The following CPHXL2 variants were observed in gnomAD, a reference collection of about 807,000 sequenced individuals.
The protein encoded by CPHXL2 is cytoplasmic polyadenylated homeobox like 2.
the CPHXL2 span, among the ~76,000 whole-genome samples, chr16:75,672,645 C>T: frequency 1.2e-4 from 19 of 152,176 alleles, no homozygotes; most frequent in Admixed American, 3.3e-4. Context: ...GCAATACGCC[C>T]GGATAATTTT....
the CPHXL2 span, chr16:75,661,201 T>G: frequency 2.5e-6 from 1 of 400,818 alleles, no homozygotes; most frequent in Non-Finnish European, 4.4e-6. Context: ...AGAAATATTC[T>G]TTGTCTTTCT....
chr16:75,675,034 C>T, the CPHXL2 span, among the ~76,000 whole-genome samples: 1 of 149,680 alleles, frequency 6.7e-6, no homozygotes, highest in East Asian at 2.1e-4. Context: ...ACTAAAAATA[C>T]AAAAATTAAC....
chr16:75,671,104 T>C, the CPHXL2 span, among the ~76,000 whole-genome samples: 1 of 152,162 alleles, frequency 6.6e-6, no homozygotes, highest in Non-Finnish European at 1.5e-5. Flanking sequence ...AAAAACAGGC[T>C]GTGTGCGCCG....
chr16:75,666,608 C>CAA, the CPHXL2 span, among the ~76,000 whole-genome samples: 702 of 64,484 alleles, frequency 0.011, 12 homozygotes, highest in African/African-American at 0.017. Flanking sequence ...AACTCTATCT[C>CAA]AAAAAAAAAA....
chr16:75,673,102 A>AGAC, the CPHXL2 span, among the ~76,000 whole-genome samples: 1 of 150,676 alleles, frequency 6.6e-6, no homozygotes, highest in Non-Finnish European at 1.5e-5. Flanking sequence ...AAAAAGACAA[A>AGAC]AAAAAGAAAA....
the CPHXL2 span, among the ~76,000 whole-genome samples, chr16:75,662,237 G>C: frequency 6.6e-6 from 1 of 151,938 alleles, no homozygotes; most frequent in Non-Finnish European, 1.5e-5. Context: ...GAGCTTTCAT[G>C]CCCTGCCTGG....
At chr16:75,665,308 A>G in the CPHXL2 span, among the ~76,000 whole-genome samples, 1,918 of 152,370 alleles carry the variant, frequency 0.013, 50 homozygotes, top group African/African-American at 0.043. Flanking sequence ...TCTACAAGCT[A>G]GAAGGGATTG....
the CPHXL2 span, among the ~76,000 whole-genome samples, chr16:75,676,673 A>G: frequency 6.6e-6 from 1 of 152,308 alleles, no homozygotes; most frequent in South Asian, 2.1e-4. Flanking sequence ...TCTTTGTCTG[A>G]TCTAGAACCC....
At chr16:75,668,038 C>T in the CPHXL2 span, among the ~76,000 whole-genome samples, 4 of 152,142 alleles carry the variant, frequency 2.6e-5, no homozygotes, top group Non-Finnish European at 4.4e-5. Context: ...CCCAAACCAC[C>T]GTCACCACCA....
the CPHXL2 span, among the ~76,000 whole-genome samples, chr16:75,675,022 C>T: frequency 1.3e-5 from 2 of 151,248 alleles, no homozygotes; most frequent in South Asian, 4.2e-4. Flanking sequence ...AACCCCGTCT[C>T]TACTAAAAAT....
the CPHXL2 span, among the ~76,000 whole-genome samples, chr16:75,675,852 G>T: frequency 1.3e-5 from 2 of 152,176 alleles, no homozygotes; most frequent in Admixed American, 6.6e-5. Context: ...ACCGAGGTGG[G>T]TGGATCACCT....
At chr16:75,671,945 GC>G in the CPHXL2 span, among the ~76,000 whole-genome samples, 1 of 151,978 alleles carries the variant, frequency 6.6e-6, no homozygotes, top group South Asian at 2.1e-4. Context: ...CTAGAATGGG[GC>G]GAGCCATGCT....
chr16:75,661,174 C>A, the CPHXL2 span: 2 of 400,764 alleles, frequency 5.0e-6, no homozygotes, highest in East Asian at 3.6e-5. Context: ...ACTGGGAAAT[C>A]GTGTTTTTTC....
At chr16:75,665,045 A>G in the CPHXL2 span, among the ~76,000 whole-genome samples, 68 of 152,330 alleles carry the variant, frequency 4.5e-4, no homozygotes, top group Non-Finnish European at 8.4e-4. Context: ...AGAATTTGTC[A>G]GAGATTATAG....
chr16:75,663,904 A>G, the CPHXL2 span, among the ~76,000 whole-genome samples: 1 of 150,214 alleles, frequency 6.7e-6, no homozygotes, highest in South Asian at 2.1e-4. Context: ...AAAAAAAAAA[A>G]GAAACATAAA....
chr16:75,667,115 C>G, the CPHXL2 span, among the ~76,000 whole-genome samples: 1 of 151,842 alleles, frequency 6.6e-6, no homozygotes. Context: ...AGTTCGAGAC[C>G]AGCCTGGCCA....
At chr16:75,660,855 A>G in the CPHXL2 span, 2 of 398,530 alleles carry the variant, frequency 5.0e-6, no homozygotes, top group African/African-American at 4.1e-5. Context: ...TCCATACTCC[A>G]AAGCATAGCC....
the CPHXL2 span, among the ~76,000 whole-genome samples, chr16:75,669,927 A>C: frequency 6.6e-6 from 1 of 152,132 alleles, no homozygotes. Context: ...TTGAGAATTT[A>C]TCTTTTATTT....
the CPHXL2 span, among the ~76,000 whole-genome samples, chr16:75,672,510 A>G: frequency 6.6e-6 from 1 of 151,936 alleles, no homozygotes; most frequent in Admixed American, 6.6e-5. Context: ...TTTGTTTTTG[A>G]GATAGAGACT....
Sources: gnomAD v4.1 joint callset for allele counts (sites outside exome capture counted in the v4.1 genomes callset) on GRCh38, gnomAD v4.1.1 for gene constraint, MANE v1.5 for transcripts, NCBI Gene and HGNC (gene_info 2026-07-23, HGNC 2026-07-21) for gene names.